USP15: variants seen among roughly 807,000 people sequenced by gnomAD.
The protein encoded by USP15 is ubiquitin carboxyl-terminal hydrolase 15.
A neutral mutation model predicts 127.1 loss-of-function variants in USP15; 18 were observed. The ratio of observed to expected loss-of-function variants is 0.14; its 90% CI spans 0.10 to 0.21. The LOEUF is 0.21. USP15 is among the 10% of genes least tolerant of loss of function. USP15 has a pLI of 1.00. For missense variants in USP15, 805 were observed against 1,159.9 expected (o/e 0.69, Z 4.44); for synonymous variants, 364 against 393.7 (o/e 0.92, Z 0.89).
rs1224176323 is a variant in USP15, at chr12:62,393,211, T to G, written c.2570+9T>G. On this transcript the variant is annotated intron_variant, in intron 19 of 21. Transcript: ENST00000280377. ...GTTGATTTTCCTATCAAGTAAGCTT[T>G]AATTGTACTTTATAAGCATTGGGCA... 1.2e-6 allele frequency: 2 copies of G among 1,610,736 alleles called. No homozygotes were observed. Among genetic ancestry groups the G allele is most frequent in the South Asian group, 2.2e-5 (2 of 90,470 alleles).
chr12:62,357,607 A>G (rs17660575), intron 8 of USP15, among the ~76,000 whole-genome samples: 12,201 of 152,140 alleles, frequency 0.08, 598 homozygotes, highest in Middle Eastern at 0.16. Context: ...AGCAGTGGAT[A>G]TTATTTCATC....
chr12:62,270,901 G>A (rs1443786967), intron 1 of USP15, among the ~76,000 whole-genome samples: 1 of 151,830 alleles, frequency 6.6e-6, no homozygotes, highest in Admixed American at 6.6e-5. Flanking sequence ...TCATCTTTTT[G>A]CAGCCTGTCT....
At position 62,325,983 on chromosome 12, in the gene USP15, A is replaced by G. The variant is rs367584068; in HGVS notation, c.683+50A>G. ...TTATTGTATGATTTTGAAGCCCTTG[A>G]TGCTAGATAATCAAATCCACAATGA... On this transcript the variant is annotated intron_variant, in intron 6 of 21. Transcript: ENST00000280377. 2.0e-6 allele frequency: 3 copies of G among 1,482,228 alleles called. No homozygotes were observed. In the African/African-American group the frequency reaches 4.2e-5, roughly 21 times the overall value. The allele number at this position is 1,482,228 out of a possible 1,614,324, so 91.8% of individuals were successfully genotyped here.
At chr12:62,390,118 A>T (rs1170187671) in intron 14 of USP15, 130 bp downstream of exon 14, 2 of 1,029,008 alleles carry the variant, frequency 1.9e-6, no homozygotes, top group Non-Finnish European at 2.6e-6. Flanking sequence ...AATTTTGTTC[A>T]TAGTCAGATT....
At chr12:62,297,915 T>G (rs2064183870) in intron 2 of USP15, among the ~76,000 whole-genome samples, 1 of 152,040 alleles carries the variant, frequency 6.6e-6, no homozygotes, top group African/African-American at 2.4e-5. Context: ...ATAGACAACT[T>G]AACAAAACAA....
intron 1 of USP15, among the ~76,000 whole-genome samples, chr12:62,288,496 T>A (rs1434374579): frequency 1.3e-5 from 2 of 152,128 alleles, no homozygotes; most frequent in African/African-American, 2.4e-5. Flanking sequence ...CTCAAAGAAG[T>A]CTTCGTGGAA....
Position 62,416,289 on chromosome 12 carries a change from T to C in USP15, c.*11914T>C, listed in dbSNP as rs1276109282. 1 of 152,196 alleles carries C rather than the reference T, an allele frequency of 6.6e-6. No individual in the cohort carries two copies. Among genetic ancestry groups the C allele is most frequent in the Non-Finnish European group, 1.5e-5 (1 of 68,032 alleles). The allele number at this position is 152,196 out of a possible 1,614,324, so 9.4% of individuals were successfully genotyped here. A position where few individuals can be genotyped will look rare whatever the true frequency, so the allele number is the denominator to read the frequency against. On this transcript the variant is annotated 3_prime_UTR_variant, in exon 22 of 22. Coordinates refer to ENST00000280377, the MANE Select transcript of USP15 (RefSeq NM_001252078.2). The stretch of plus-strand genomic sequence containing the variant: ...GTGTGTCTCTTCCCCCACTAGACAA[T>C]TACCTGATGGAAGAATATTGTTCTT...
chr12:62,367,569 G>A (rs150280465), intron 8 of USP15, among the ~76,000 whole-genome samples: 2,855 of 152,138 alleles, frequency 0.019, 49 homozygotes, highest in Non-Finnish European at 0.027. Context: ...TATGTGTCCA[G>A]GAATTTATCC....
intron 2 of USP15, among the ~76,000 whole-genome samples, chr12:62,298,919 G>A (rs1429423095): frequency 2.0e-5 from 3 of 149,212 alleles, no homozygotes; most frequent in African/African-American, 7.4e-5. Context: ...CTACATTCAC[G>A]AAGCCCAAAG....
At chr12:62,323,925 A>T (rs1420188530) in intron 5 of USP15, among the ~76,000 whole-genome samples, 1 of 152,104 alleles carries the variant, frequency 6.6e-6, no homozygotes, top group Admixed American at 6.6e-5. Flanking sequence ...TGTTTCAAAG[A>T]ATAGTCATTA....
chr12:62,401,171 A>T lies in USP15; in HGVS notation c.2675-16A>T, dbSNP rs1454365421. On this transcript the variant is annotated splice_polypyrimidine_tract_variant and intron_variant, in intron 20 of 21. Transcript: ENST00000280377. ...CAAGATCATTTTCGTCACAGTGATTATATTTTTTTCATTAGATACTGCTTT... is the reference window on the plus strand; with the variant it reads ...CAAGATCATTTTCGTCACAGTGATTTTATTTTTTTCATTAGATACTGCTTT... The T allele has an allele frequency of 6.3e-7, 1 of 1,589,296 alleles. No individual in the cohort carries two copies. The highest frequency in any genetic ancestry group is 8.6e-7 in the Non-Finnish European group (1 of 1,160,928).
At chr12:62,403,617 A>G (rs905496150) in intron 21 of USP15, among the ~76,000 whole-genome samples, 5 of 152,008 alleles carry the variant, frequency 3.3e-5, no homozygotes, top group East Asian at 1.9e-4. Flanking sequence ...CACCCTGACT[A>G]TGAGGAAGAG....
intron 2 of USP15, among the ~76,000 whole-genome samples, chr12:62,296,989 A>G (rs1477213045): frequency 6.6e-6 from 1 of 152,204 alleles, no homozygotes; most frequent in Non-Finnish European, 1.5e-5. Flanking sequence ...AACAAAGGAA[A>G]GAGGGTAGGT....
chr12:62,337,933 A>T (rs185636580), intron 6 of USP15, among the ~76,000 whole-genome samples: 1 of 152,202 alleles, frequency 6.6e-6, no homozygotes, highest in Non-Finnish European at 1.5e-5. Flanking sequence ...TAGTGCTGCA[A>T]TAAACATACA....
chr12:62,389,687 A>G lies in USP15; in HGVS notation c.1640A>G (p.Asp547Gly), dbSNP rs1322898802. The G allele has an allele frequency of 6.2e-7, 1 of 1,612,378 alleles. No individual in the cohort carries two copies. ...AACCTTAGTAGTATTATGGAACGGG[A>G]TGATATTTATGTGTAAGTATAAAAC... ...DENLSSIMERDDIYVFEININ... is the reference protein window; with the variant it reads ...DENLSSIMERGDIYVFEININ... The change falls in exon 13 of 22, where the codon GAT (aspartate) becomes GGT (glycine). Residue 547 changes from aspartate (D) to glycine (G), a missense_variant. Physicochemically the swap from Asp to Gly is moderately conservative, Grantham distance 94. Around this residue, in one of 11 missense-constraint regions of USP15, gnomAD observed 82 missense variants for 104.4 expected, o/e 0.79. Coordinates refer to ENST00000280377, the MANE Select transcript of USP15 (RefSeq NM_001252078.2).
intron 1 of USP15, among the ~76,000 whole-genome samples, chr12:62,279,378 A>G (rs2063586358): frequency 6.6e-6 from 1 of 152,076 alleles, no homozygotes; most frequent in Non-Finnish European, 1.5e-5. Flanking sequence ...TCTTTCATCC[A>G]TCAAAAGACA....
chr12:62,392,270 A>G lies in USP15; in HGVS notation c.2305-2A>G. The G allele has an allele frequency of 6.4e-7, 1 of 1,570,658 alleles. No individual in the cohort carries two copies. Among genetic ancestry groups the G allele is most frequent in the Non-Finnish European group, 8.7e-7 (1 of 1,152,920 alleles). On this transcript the variant is annotated splice_acceptor_variant, in intron 17 of 21. Transcript: ENST00000280377. LOFTEE classifies it high-confidence loss of function. ...CTTAACTCAAGAAATACTTCTCTTT[A>G]GGACTTTGAAAAACATGAAAGTGTG...
intron 6 of USP15, among the ~76,000 whole-genome samples, chr12:62,337,110 A>C (rs2065491164): frequency 6.6e-6 from 1 of 152,204 alleles, no homozygotes; most frequent in Non-Finnish European, 1.5e-5. Flanking sequence ...ACGCCTAAGT[A>C]TTGGGAAGCT....
At chr12:62,303,967 C>T (rs2064401089) in intron 3 of USP15, among the ~76,000 whole-genome samples, 1 of 151,726 alleles carries the variant, frequency 6.6e-6, no homozygotes, top group South Asian at 2.1e-4. Context: ...GTGTTTTGAT[C>T]AAAGGTAGCC....
Sources: gnomAD v4.1 joint callset for allele counts (sites outside exome capture counted in the v4.1 genomes callset) on GRCh38, gnomAD v4.1.1 for gene constraint, gnomAD v4.1.1 regional missense constraint, MANE v1.5 for transcripts, NCBI Gene and HGNC (gene_info 2026-07-23, HGNC 2026-07-21) for gene names.